LRGUK: variants seen among roughly 807,000 people sequenced by gnomAD.
LRGUK encodes the protein leucine rich repeats and guanylate kinase domain containing.
In LRGUK, 65 loss-of-function variants were observed where a neutral mutation model predicts 76.0. That is an observed-to-expected ratio of 0.85 (90% CI 0.70 to 1.05). The LOEUF (loss-of-function observed/expected upper bound fraction) is 1.05. LRGUK is among the 50% of genes least tolerant of loss of function. The probability of loss-of-function intolerance (pLI) is 0.00; values close to 1 mark genes in which losing one functional copy is unlikely to be tolerated. For synonymous variants in LRGUK, 268 were observed against 265.6 expected, an observed-to-expected ratio of 1.01 and a Z score of -0.09; for missense variants, 758 against 732.8, an observed-to-expected ratio of 1.03 and a Z score of -0.40.
chr7:134,166,773 C>T (rs1451110444), intron 7 of LRGUK, among the ~76,000 whole-genome samples: 20 of 152,182 alleles, frequency 1.3e-4, no homozygotes, highest in Admixed American at 1.3e-3. Context: ...ATAGAAGGAA[C>T]ATTCTTTGCC....
chr7:134,225,123 T>TG (rs1281968316), intron 16 of LRGUK, among the ~76,000 whole-genome samples: 32 of 69,224 alleles, frequency 4.6e-4, no homozygotes, highest in African/African-American at 2.2e-3. Flanking sequence ...GGAACAGAAC[T>TG]GGAAAAAAAA....
chr7:134,273,252 A>G, the LRGUK span, among the ~76,000 whole-genome samples: 1 of 152,288 alleles, frequency 6.6e-6, no homozygotes, highest in African/African-American at 2.4e-5. Context: ...AGACATATTG[A>G]GAACTTGGCG....
chr7:134,238,097 A>G (rs764842079), intron 16 of LRGUK, among the ~76,000 whole-genome samples: 2 of 152,230 alleles, frequency 1.3e-5, no homozygotes, highest in Non-Finnish European at 2.9e-5. Context: ...ATCAAAGCAT[A>G]GTCATTGAAT....
At chr7:134,173,805 C>T (rs191872956) in intron 7 of LRGUK, among the ~76,000 whole-genome samples, 495 of 152,120 alleles carry the variant, frequency 3.3e-3, no homozygotes, top group African/African-American at 0.011. Context: ...GTGATAAAGC[C>T]ATATATGTAC....
At chr7:134,146,351 A>T (rs1797969350) in intron 4 of LRGUK, among the ~76,000 whole-genome samples, 1 of 152,186 alleles carries the variant, frequency 6.6e-6, no homozygotes, top group Non-Finnish European at 1.5e-5. Flanking sequence ...GTGTAGTTAT[A>T]CAGATGTCAT....
At chr7:134,205,749 T>C (rs1334694283) in intron 15 of LRGUK, among the ~76,000 whole-genome samples, 2 of 152,186 alleles carry the variant, frequency 1.3e-5, no homozygotes, top group African/African-American at 4.8e-5. Context: ...AATTTTGAGC[T>C]CCCATTTCTT....
At chr7:134,165,144 A>T (rs946147019) in intron 7 of LRGUK, among the ~76,000 whole-genome samples, 2 of 152,234 alleles carry the variant, frequency 1.3e-5, no homozygotes, top group Non-Finnish European at 2.9e-5. Flanking sequence ...AGTAACAATA[A>T]TGATAATAAT....
At chr7:134,263,070 T>A (rs1255233483) in intron 19 of LRGUK, among the ~76,000 whole-genome samples, 1 of 152,020 alleles carries the variant, frequency 6.6e-6, no homozygotes, top group Non-Finnish European at 1.5e-5. Flanking sequence ...TTTGAATATG[T>A]CCTAAAACGG....
At chr7:134,222,340 C>A (rs963988851) in intron 16 of LRGUK, among the ~76,000 whole-genome samples, 1 of 152,212 alleles carries the variant, frequency 6.6e-6, no homozygotes. Context: ...ACTTCTTAAA[C>A]CAGTCGCATC....
chr7:134,178,468 T>C, intron 9 of LRGUK, 35 bp from the exon 10 acceptor site: 2 of 1,524,448 alleles, frequency 1.3e-6, no homozygotes, highest in Middle Eastern at 3.5e-4. Context: ...GAAACAAAAC[T>C]TTTTTTCCCT....
intron 19 of LRGUK, among the ~76,000 whole-genome samples, chr7:134,262,370 T>G (rs565030428): frequency 9.8e-5 from 15 of 152,294 alleles, no homozygotes; most frequent in Middle Eastern, 3.4e-3. Flanking sequence ...CGAGACTCTG[T>G]CTCAAAAATA....
At chr7:134,144,562 GGAATGGA>G in intron 4 of LRGUK, among the ~76,000 whole-genome samples, 1 of 152,128 alleles carries the variant, frequency 6.6e-6, no homozygotes, top group Non-Finnish European at 1.5e-5. Flanking sequence ...GTCATTTTAA[GGAATGGA>G]CATCAACTAT....
At chr7:134,268,760 C>T (rs754523585), downstream of LRGUK, among the ~76,000 whole-genome samples, 185 of 106,170 alleles carry the variant, frequency 1.7e-3, 1 homozygote, top group African/African-American at 6.4e-3. Flanking sequence ...GACAGAGTCT[C>T]GCTCTGTTGC....
intron 11 of LRGUK, among the ~76,000 whole-genome samples, chr7:134,189,400 G>A (rs1800105936): frequency 6.6e-6 from 1 of 152,118 alleles, no homozygotes; most frequent in African/African-American, 2.4e-5. Flanking sequence ...TATTTGGGCA[G>A]CATATAACAC....
At chr7:134,186,424 C>T (rs530699277) in intron 11 of LRGUK, among the ~76,000 whole-genome samples, 1 of 152,312 alleles carries the variant, frequency 6.6e-6, no homozygotes, top group African/African-American at 2.4e-5. Flanking sequence ...CGCATGTCAG[C>T]CTTGTTCACC....
intron 7 of LRGUK, among the ~76,000 whole-genome samples, chr7:134,167,085 T>G (rs1282567099): frequency 6.6e-6 from 1 of 152,184 alleles, no homozygotes; most frequent in African/African-American, 2.4e-5. Flanking sequence ...TGATCAGATC[T>G]CCTGCTAAAG....
chr7:134,146,136 T>C (rs61144647), intron 4 of LRGUK, among the ~76,000 whole-genome samples: 19,697 of 152,022 alleles, frequency 0.13, 1,618 homozygotes, highest in East Asian at 0.32. Context: ...TAGCCTGGCA[T>C]GATGGTGGGA....
chr7:134,157,766 G>A (rs1441772684), intron 5 of LRGUK, among the ~76,000 whole-genome samples: 1 of 152,090 alleles, frequency 6.6e-6, no homozygotes, highest in Non-Finnish European at 1.5e-5. Flanking sequence ...CTCATGATGT[G>A]CCCACCTCGG....
chr7:134,134,433 C>T (rs966258773), intron 1 of LRGUK, among the ~76,000 whole-genome samples: 13 of 152,136 alleles, frequency 8.5e-5, no homozygotes, highest in Non-Finnish European at 1.9e-4. Flanking sequence ...CTCAGGATAA[C>T]AACAGGAGCT....
Sources: gnomAD v4.1 joint callset for allele counts (sites outside exome capture counted in the v4.1 genomes callset) on GRCh38, gnomAD v4.1.1 for gene constraint, MANE v1.5 for transcripts, NCBI Gene and HGNC (gene_info 2026-07-23, HGNC 2026-07-21) for gene names.